The following CYBRD1 variants were observed in gnomAD, a reference collection of about 807,000 sequenced individuals.
CYBRD1 encodes plasma membrane ascorbate-dependent reductase CYBRD1.
CYBRD1 carries 14 observed loss-of-function variants against 21.9 expected under a neutral mutation model. The ratio of observed to expected loss-of-function variants is 0.64; its 90% CI spans 0.42 to 1.00. CYBRD1 has a LOEUF of 1.00. CYBRD1 is among the 50% of genes least tolerant of loss of function. The probability of loss-of-function intolerance (pLI) is 0.00; values close to 1 mark genes in which losing one functional copy is unlikely to be tolerated. For missense variants in CYBRD1, 328 were observed against 352.5 expected, an observed-to-expected ratio of 0.93 and a Z score of 0.56; for synonymous variants, 146 against 136.5, an observed-to-expected ratio of 1.07 and a Z score of -0.48.
chr2:171,547,108 T>C (rs938191912), intron 2 of CYBRD1, among the ~76,000 whole-genome samples: 16 of 152,116 alleles, frequency 1.1e-4, no homozygotes, highest in Non-Finnish European at 2.1e-4. Flanking sequence ...AGCAGGTGGG[T>C]AGCCACAAGT....
At position 171,541,807 on chromosome 2, in the gene CYBRD1, T is replaced by A; in HGVS notation, c.402+14T>A. 1.3e-6 allele frequency: 2 copies of A among 1,594,744 alleles called. No individual in the cohort carries two copies. Among genetic ancestry groups the A allele is most frequent in the Non-Finnish European group, 1.7e-6 (2 of 1,163,594 alleles). On this transcript the variant is annotated intron_variant, in intron 2 of 3. Transcript: ENST00000321348. ...TATTTGTTACAGGTCAGTATTTCAG[T>A]GTATTTACAAGCAAGTTATAAAAAC...
At chr2:171,524,690 A>G (rs1225946285) in intron 1 of CYBRD1, among the ~76,000 whole-genome samples, 1 of 152,360 alleles carries the variant, frequency 6.6e-6, no homozygotes, top group African/African-American at 2.4e-5. Context: ...CCTTATCGTC[A>G]AAGTTGGATT....
At chr2:171,552,469 G>C (rs1683395621) in intron 2 of CYBRD1, among the ~76,000 whole-genome samples, 1 of 152,128 alleles carries the variant, frequency 6.6e-6, no homozygotes, top group Non-Finnish European at 1.5e-5. Context: ...AATCAAGAAA[G>C]CTGAACAGTG....
At chr2:171,537,761 AT>A (rs1697566638) in intron 1 of CYBRD1, among the ~76,000 whole-genome samples, 1 of 152,190 alleles carries the variant, frequency 6.6e-6, no homozygotes, top group Admixed American at 6.5e-5. Flanking sequence ...AGTTTAAAAA[AT>A]AAGTTCTAGT....
At chr2:171,529,022 G>A (rs1391374205) in intron 1 of CYBRD1, among the ~76,000 whole-genome samples, 2 of 152,192 alleles carry the variant, frequency 1.3e-5, no homozygotes, top group African/African-American at 2.4e-5. Context: ...CCAGAAGGAA[G>A]GGATTTTGTC....
chr2:171,552,495 C>G (rs1683396125), intron 2 of CYBRD1, among the ~76,000 whole-genome samples: 1 of 152,158 alleles, frequency 6.6e-6, no homozygotes, highest in Admixed American at 6.5e-5. Context: ...AGTGCTTTCT[C>G]CCCACTCTCC....
upstream of CYBRD1, chr2:171,522,371 C>T (rs1697317093): frequency 1.0e-5 from 15 of 1,497,754 alleles, no homozygotes; most frequent in South Asian, 2.0e-4. This position sits in a 1 kb window ranked among gnomAD's most constrained non-coding sequence, Gnocchi z 4.3. Flanking sequence ...GGGGCCAGCT[C>T]CCCACCCCCA....
chr2:171,541,478 AG>A (rs1697630069), intron 1 of CYBRD1, 106 bp from the exon 2 acceptor site: 1 of 1,112,504 alleles, frequency 9.0e-7, no homozygotes, highest in Non-Finnish European at 1.3e-6. Flanking sequence ...GCAAAAGCCA[AG>A]GGAAAAAGGT....
At chr2:171,547,686 G>A (rs1697737584) in intron 2 of CYBRD1, among the ~76,000 whole-genome samples, 1 of 152,114 alleles carries the variant, frequency 6.6e-6, no homozygotes, top group African/African-American at 2.4e-5. Flanking sequence ...TTTGGTGGCA[G>A]GAAATTGAGG....
chr2:171,543,102 T>C (rs1384427385), intron 2 of CYBRD1, among the ~76,000 whole-genome samples: 1 of 152,154 alleles, frequency 6.6e-6, no homozygotes, highest in Non-Finnish European at 1.5e-5. Flanking sequence ...TGGTAACCAA[T>C]TACCACAGAC....
Position 171,554,900 on chromosome 2 carries a change from C to T in CYBRD1, c.*73C>T. The T allele has an allele frequency of 1.4e-6, 2 of 1,478,766 alleles. No homozygotes were observed. The highest frequency in any genetic ancestry group is 2.3e-5 in the South Asian group (2 of 85,822). 91.6% of individuals were successfully genotyped at this position (1,478,766 alleles called of 1,614,324 possible). Reference sequence around the variant, plus strand: ...CTACAGTTTTGCTTCTCCTATTAGCCATATGATAATTGGGCTATGTAGTAT... The same window carrying T: ...CTACAGTTTTGCTTCTCCTATTAGCTATATGATAATTGGGCTATGTAGTAT... On this transcript the variant is annotated 3_prime_UTR_variant, in exon 4 of 4. Transcript: ENST00000321348.
At chr2:171,532,879 G>GTGTA (rs1280438795) in intron 1 of CYBRD1, among the ~76,000 whole-genome samples, 4 of 109,060 alleles carry the variant, frequency 3.7e-5, no homozygotes, top group African/African-American at 1.5e-4. Flanking sequence ...TTCACGATGT[G>GTGTA]TGTGTGTGTG....
In CYBRD1 at chr2:171,555,259, A is replaced by G. The variant is rs960977394; in HGVS notation, c.*432A>G. ...CAGTCCTAAAAGTTTAAAATCCGAT[A>G]AGGAATATCTGGGACAGGGTTTAGA... is the stretch of plus-strand genomic sequence containing the variant. On this transcript the variant is annotated 3_prime_UTR_variant, in exon 4 of 4. Transcript: ENST00000321348. 4.1e-6 allele frequency: 1 copy of G among 241,364 alleles called. No individual in the cohort carries two copies. Among genetic ancestry groups the G allele is most frequent in the Non-Finnish European group, 8.1e-6 (1 of 123,378 alleles). The allele number at this position is 241,364 out of a possible 1,614,324, so 15.0% of individuals were successfully genotyped here. A position where few individuals can be genotyped will look rare whatever the true frequency, so the allele number is the denominator to read the frequency against.
At chr2:171,538,088 T>A (rs1032694238) in intron 1 of CYBRD1, among the ~76,000 whole-genome samples, 1 of 151,974 alleles carries the variant, frequency 6.6e-6, no homozygotes, top group African/African-American at 2.4e-5. Flanking sequence ...ATCAGCCTGG[T>A]CAACATGGCA....
At chr2:171,549,106 C>G (rs1169626280) in intron 2 of CYBRD1, among the ~76,000 whole-genome samples, 1 of 151,108 alleles carries the variant, frequency 6.6e-6, no homozygotes, top group Non-Finnish European at 1.5e-5. Flanking sequence ...TTTACTGAGA[C>G]AGCGTCTCAC....
chr2:171,553,535 A>C, intron 3 of CYBRD1, 35 bp downstream of exon 3: 4 of 1,578,198 alleles, frequency 2.5e-6, no homozygotes, highest in Non-Finnish European at 3.4e-6. Context: ...GTAATACTTA[A>C]GCCACAAAAT....
chr2:171,522,871 C>T lies in CYBRD1; in HGVS notation c.193+133C>T. 1 of 1,432,102 alleles carries T rather than the reference C, an allele frequency of 7.0e-7. No homozygotes were observed. The highest frequency in any genetic ancestry group is 9.4e-7 in the Non-Finnish European group (1 of 1,065,008). 88.7% of individuals were successfully genotyped at this position (1,432,102 alleles called of 1,614,324 possible). On this transcript the variant is annotated intron_variant, in intron 1 of 3. Transcript: ENST00000321348. This position sits in a 1 kb window ranked among gnomAD's most constrained non-coding sequence, Gnocchi z 4.3. ...GGGCCCGGAGGAGTGCGGTGAGGAG[C>T]GCGCGGGAAGCCAAGTCGGCTGGGC...
rs1034175461 is a variant in CYBRD1, at chr2:171,553,257, G to A, written c.403-89G>A. 72 of 1,465,244 alleles carry A rather than the reference G, an allele frequency of 4.9e-5. No homozygotes were observed. In the Admixed American group the frequency reaches 1.3e-3, roughly 26 times the overall value. 90.8% of individuals were successfully genotyped at this position (1,465,244 alleles called of 1,614,324 possible). A position where few individuals can be genotyped will look rare whatever the true frequency, so the allele number is the denominator to read the frequency against. Reference sequence around the variant, plus strand: ...CCTTTGGTTCTATATGAAAGGTTTTGTCATATTACACATATTGCTTTTTAA... The same window carrying A: ...CCTTTGGTTCTATATGAAAGGTTTTATCATATTACACATATTGCTTTTTAA... On this transcript the variant is annotated intron_variant, in intron 2 of 3. Transcript: ENST00000321348.
rs761485444 is a variant in CYBRD1 at position 171,522,677 on chromosome 2, A to C, written c.132A>C (p.Ala44=). 6.2e-7 allele frequency: 1 copy of C among 1,613,308 alleles called. No homozygotes were observed. The highest frequency in any genetic ancestry group is 8.5e-7 in the Non-Finnish European group (1 of 1,179,880). The change falls in exon 1 of 4, where the codon GCA becomes GCC. Residue 44 remains alanine (A), a synonymous_variant. Coordinates refer to ENST00000321348, the MANE Select transcript of CYBRD1 (RefSeq NM_024843.4). This position sits in a 1 kb window ranked among gnomAD's most constrained non-coding sequence, Gnocchi z 4.3. ...AGGGGCTTGGCTGGGATGGGAGCGC[A>C]CTAGAGTTTAACTGGCACCCAGTGC... The part of the protein sequence containing the change: ...YREGLGWDGS[A]LEFNWHPVLM...
Sources: gnomAD v4.1 joint callset for allele counts (sites outside exome capture counted in the v4.1 genomes callset) on GRCh38, gnomAD v4.1.1 for gene constraint, Gnocchi (gnomAD v3.1) non-coding constraint, MANE v1.5 for transcripts, NCBI Gene and HGNC (gene_info 2026-07-23, HGNC 2026-07-21) for gene names.